The following ZC2HC1B variants were observed in gnomAD, a reference collection of about 807,000 sequenced individuals.
ZC2HC1B encodes zinc finger C2HC domain-containing protein 1B.
In ZC2HC1B, 36 loss-of-function variants were observed where a neutral mutation model predicts 31.0. That is an observed-to-expected ratio of 1.16 (90% CI 0.89 to 1.54). The LOEUF (loss-of-function observed/expected upper bound fraction) is 1.54. ZC2HC1B is among the 40% of genes most tolerant of loss of function. ZC2HC1B has a pLI of 0.00. For missense variants in ZC2HC1B, 260 were observed against 268.6 expected (o/e 0.97, Z 0.22); for synonymous variants, 73 against 88.0 (o/e 0.83, Z 0.95).
rs770838517 is a variant in ZC2HC1B at position 143,895,791 on chromosome 6, G to T, written c.350-2761G>T. Among the ~76,000 whole-genome samples, 9 of 152,116 alleles carry T rather than the reference G, an allele frequency of 5.9e-5. No individual in the cohort carries two copies. Among genetic ancestry groups the T allele is most frequent in the Non-Finnish European group, 1.3e-4 (9 of 68,012 alleles). On this transcript the variant is annotated intron_variant, in intron 4 of 7. Coordinates refer to ENST00000237275, the MANE Select transcript of ZC2HC1B (RefSeq NM_001013623.3). This position sits in a 1 kb window ranked among gnomAD's most constrained non-coding sequence, Gnocchi z 4.8. ...CACAATATTGGCATTTTAAAATAAT[G>T]CTTGGTTTTCCACTTTTCTCTGAGA...
intron 6 of ZC2HC1B, among the ~76,000 whole-genome samples, chr6:143,930,532 C>T (rs879736249): frequency 1.5e-4 from 23 of 151,786 alleles, no homozygotes; most frequent in Non-Finnish European, 1.2e-4. Context: ...GGACTACAGG[C>T]GCCCGCCACC....
At chr6:143,909,934 T>C (rs1481501652) in intron 6 of ZC2HC1B, among the ~76,000 whole-genome samples, 2 of 152,240 alleles carry the variant, frequency 1.3e-5, no homozygotes, top group Non-Finnish European at 2.9e-5. Context: ...TGATCTTGAT[T>C]ATTTCTTGTC....
intron 1 of ZC2HC1B, among the ~76,000 whole-genome samples, chr6:143,867,410 C>T (rs4896680): frequency 0.39 from 59,035 of 152,018 alleles, 13,046 homozygotes; most frequent in African/African-American, 0.6. Flanking sequence ...CTTCCATTTC[C>T]AGAGTTTACA....
rs182081239 is a variant in ZC2HC1B, at chr6:143,868,380, C to T, written c.28+3813C>T. Among the ~76,000 whole-genome samples, 437 of 152,296 alleles carry T rather than the reference C, an allele frequency of 2.9e-3. 4 individuals carry two copies. The highest frequency in any genetic ancestry group is 0.01 in the African/African-American group (428 of 41,562). ...CCAGTACAGTGCCAAAACTGAAGAA[C>T]TTGGAGTTCAATGTTTGAGGGCAGG... On this transcript the variant is annotated intron_variant, in intron 1 of 7. Transcript: ENST00000237275. This position sits in a 1 kb window ranked among gnomAD's most constrained non-coding sequence, Gnocchi z 4.2.
chr6:143,920,801 G>A (rs74947930), intron 6 of ZC2HC1B, among the ~76,000 whole-genome samples: 4 of 151,508 alleles, frequency 2.6e-5, no homozygotes, highest in Non-Finnish European at 5.9e-5. Context: ...CCAGCTACTC[G>A]GGAGGCTGAG....
intron 1 of ZC2HC1B, among the ~76,000 whole-genome samples, chr6:143,882,335 TATATA>T (rs1450463721): frequency 0.011 from 545 of 48,196 alleles, 13 homozygotes; most frequent in African/African-American, 0.037. Flanking sequence ...TTATATTTTT[TATATA>T]TATATATATA....
chr6:143,935,674 T>TTTTG lies in ZC2HC1B; in HGVS notation c.599-1975_599-1974insTTTG, dbSNP rs869162265. Among the ~76,000 whole-genome samples, 61 of 120,676 alleles carry TTTTG rather than the reference T, an allele frequency of 5.1e-4. 7 individuals are homozygous for TTTTG. The highest frequency in any genetic ancestry group is 1.8e-3 in the East Asian group (6 of 3,310). The allele number at this position is 120,676 out of a possible 152,430, so 79.2% of individuals were successfully genotyped here. On this transcript the variant is annotated intron_variant, in intron 6 of 7. Transcript: ENST00000237275. ...TTTTTTTTTTTTTTTTTTTTTTTTT[T>TTTTG]GAGACAGGATCTCTCTGTCGCCCAG... is the stretch of plus-strand genomic sequence containing the variant.
At chr6:143,920,207 T>C (rs1777971676) in intron 6 of ZC2HC1B, among the ~76,000 whole-genome samples, 1 of 152,170 alleles carries the variant, frequency 6.6e-6, no homozygotes, top group Non-Finnish European at 1.5e-5. Flanking sequence ...AGGTCAAATT[T>C]TATTTCTCAA....
intron 1 of ZC2HC1B, among the ~76,000 whole-genome samples, chr6:143,882,365 TATATTTAG>T (rs1777480188): frequency 7.1e-6 from 1 of 140,642 alleles, no homozygotes; most frequent in Admixed American, 7.0e-5. Flanking sequence ...TATATATATA[TATATTTAG>T]ATGAAGTTTT....
intron 5 of ZC2HC1B, among the ~76,000 whole-genome samples, chr6:143,901,758 C>A (rs993796624): frequency 2.0e-5 from 3 of 152,122 alleles, no homozygotes; most frequent in Non-Finnish European, 4.4e-5. Flanking sequence ...ATTACCCCAC[C>A]CTCCCCTTCT....
chr6:143,906,736 G>A (rs1384618296), intron 6 of ZC2HC1B, among the ~76,000 whole-genome samples: 1 of 135,922 alleles, frequency 7.4e-6, no homozygotes, highest in African/African-American at 2.9e-5. Context: ...TAGCCACTGT[G>A]CCCAGCCCCT....
intron 6 of ZC2HC1B, among the ~76,000 whole-genome samples, chr6:143,932,825 T>C (rs986874517): frequency 3.3e-5 from 5 of 152,172 alleles, no homozygotes; most frequent in African/African-American, 9.7e-5. Context: ...AGGGCAGCTG[T>C]TCAGATTCTT....
rs189153243 is a variant in ZC2HC1B at position 143,899,159 on chromosome 6, G to A, written c.489+468G>A. Among the ~76,000 whole-genome samples, 33 of 152,314 alleles carry A rather than the reference G, an allele frequency of 2.2e-4. No homozygotes were observed. The highest frequency in any genetic ancestry group is 7.7e-4 in the African/African-American group (32 of 41,556). On this transcript the variant is annotated intron_variant, in intron 5 of 7. Coordinates refer to ENST00000237275, the MANE Select transcript of ZC2HC1B (RefSeq NM_001013623.3). This position sits in a 1 kb window ranked among gnomAD's most constrained non-coding sequence, Gnocchi z 5.0. ...CAGCAAGTTAAAGGGATATGTGGAT[G>A]AATGGAAGCAGCTGTTAACATTAGG...
chr6:143,876,486 T>G (rs188683998), intron 1 of ZC2HC1B, among the ~76,000 whole-genome samples: 1 of 150,498 alleles, frequency 6.6e-6, no homozygotes, highest in Admixed American at 6.6e-5. Context: ...GGTCTAATTA[T>G]ATTAAGCAGC....
In ZC2HC1B at chr6:143,884,346, G is replaced by A. The variant is rs772187338; in HGVS notation, c.71G>A (p.Arg24His). ...ELFPCEVCGR[R>H]FAADVLERHG... ...TTTCCCTGTGAAGTCTGTGGAAGAC[G>A]TTTTGCAGCAGATGTTCTGGTAAAC... Residue 24 changes from arginine to histidine, a missense_variant, in exon 2 of 8, where the codon CGT becomes CAT. Transcript: ENST00000237275. This position sits in a 1 kb window ranked among gnomAD's most constrained non-coding sequence, Gnocchi z 5.1. 193 of 1,534,912 alleles carry A rather than the reference G, an allele frequency of 1.3e-4. 1 individual carries two copies. The highest frequency in any genetic ancestry group is 7.3e-5 in the South Asian group (6 of 82,008).
chr6:143,937,752 C>G lies in ZC2HC1B; in HGVS notation c.*14+19C>G, dbSNP rs1395151114. 6.6e-7 allele frequency: 1 copy of G among 1,514,366 alleles called. No individual in the cohort carries two copies. The highest frequency in any genetic ancestry group is 1.7e-4 in the Middle Eastern group (1 of 5,900). The allele number at this position is 1,514,366 out of a possible 1,614,324, so 93.8% of individuals were successfully genotyped here. ...AAGCCAGGTAAGAAAAAAAAATCACCGCTAATCCAGCTGTTGCTGACCAGT... is the reference window on the plus strand; with the variant it reads ...AAGCCAGGTAAGAAAAAAAAATCACGGCTAATCCAGCTGTTGCTGACCAGT... On this transcript the variant is annotated intron_variant, in intron 7 of 7. Transcript: ENST00000237275.
At chr6:143,866,447 G>A (rs1414416101) in intron 1 of ZC2HC1B, among the ~76,000 whole-genome samples, 1 of 152,176 alleles carries the variant, frequency 6.6e-6, no homozygotes, top group Non-Finnish European at 1.5e-5. Flanking sequence ...CCAGCATCAC[G>A]AGAGGATTGT....
Position 143,923,154 on chromosome 6 carries a change from C to A in ZC2HC1B, c.599-14495C>A, listed in dbSNP as rs73588627. On this transcript the variant is annotated intron_variant, in intron 6 of 7. Transcript: ENST00000237275. The surrounding 1 kb of genome is among the most constrained non-coding windows in gnomAD (Gnocchi z 4.8). ...ATATACCTGTTGTCCATTTTTAAGTCCTTTTTTTTTTCCCTGTAACCAGGG... is the reference window on the plus strand; with the variant it reads ...ATATACCTGTTGTCCATTTTTAAGTACTTTTTTTTTTCCCTGTAACCAGGG... Among the ~76,000 whole-genome samples the A allele has an allele frequency of 0.043, 6,531 of 151,816 alleles. 349 individuals carry two copies. Among genetic ancestry groups the A allele is most frequent in the African/African-American group, 0.12 (5,040 of 41,460 alleles).
Position 143,932,903 on chromosome 6 carries a change from T to G in ZC2HC1B, c.599-4746T>G, listed in dbSNP as rs182084613. Among the ~76,000 whole-genome samples the G allele has an allele frequency of 2.3e-4, 35 of 152,278 alleles. 1 individual carries two copies. In the East Asian group the frequency reaches 6.6e-3, roughly 29 times the overall value. ...TCCCTAGGAGCCAGATTGTGGTGAT[T>G]GTTCTTGCTATTCTAGGTCTAGCCA... On this transcript the variant is annotated intron_variant, in intron 6 of 7. Transcript: ENST00000237275.
Sources: gnomAD v4.1 joint callset for allele counts (sites outside exome capture counted in the v4.1 genomes callset) on GRCh38, gnomAD v4.1.1 for gene constraint, Gnocchi (gnomAD v3.1) non-coding constraint, MANE v1.5 for transcripts, NCBI Gene and HGNC (gene_info 2026-07-23, HGNC 2026-07-21) for gene names.